The following KDM4C variants were observed in gnomAD, a reference collection of about 807,000 sequenced individuals.
KDM4C encodes lysine-specific demethylase 4C.
KDM4C carries 81 observed loss-of-function variants against 129.3 expected under a neutral mutation model. The observed-to-expected ratio is 0.63, with a 90% CI of 0.52 to 0.75. The LOEUF (loss-of-function observed/expected upper bound fraction) is 0.75. Ranked by LOEUF, KDM4C falls within the 30% of genes least tolerant of loss-of-function variation. KDM4C has a pLI of 0.00. For missense variants in KDM4C, 1,457 were observed against 1,304.0 expected (o/e 1.12, Z -1.81); for synonymous variants, 573 against 456.1 (o/e 1.26, Z -3.26).
chr9:6,798,762 C>T (rs1256610538), intron 2 of KDM4C, among the ~76,000 whole-genome samples: 2 of 152,240 alleles, frequency 1.3e-5, no homozygotes, highest in East Asian at 1.9e-4. Flanking sequence ...GGGTACACCT[C>T]CCAGACGGGG....
chr9:6,781,654 T>C (rs1193969785), intron 1 of KDM4C, among the ~76,000 whole-genome samples: 6 of 152,110 alleles, frequency 3.9e-5, no homozygotes, highest in African/African-American at 1.4e-4. Context: ...AAATAGACCA[T>C]AGAATGGACA....
intron 19 of KDM4C, among the ~76,000 whole-genome samples, chr9:7,159,254 C>T (rs537292949): frequency 1.3e-5 from 2 of 152,300 alleles, no homozygotes; most frequent in African/African-American, 4.8e-5. Flanking sequence ...CTTCCGAATA[C>T]AGCACACTGA....
At chr9:6,963,088 G>A (rs980734081) in intron 8 of KDM4C, among the ~76,000 whole-genome samples, 4 of 152,110 alleles carry the variant, frequency 2.6e-5, no homozygotes, top group African/African-American at 9.7e-5. Context: ...TCTGTGCATT[G>A]GTTTTCTCAT....
intron 15 of KDM4C, among the ~76,000 whole-genome samples, chr9:7,039,512 G>T (rs1039114044): frequency 2.6e-5 from 4 of 152,044 alleles, no homozygotes; most frequent in Admixed American, 1.3e-4. Flanking sequence ...CAACATGGAA[G>T]TCAGAGGTGC....
chr9:6,867,696 A>T (rs76041485), intron 5 of KDM4C, among the ~76,000 whole-genome samples: 2 of 152,128 alleles, frequency 1.3e-5, no homozygotes, highest in Admixed American at 6.5e-5. Flanking sequence ...CAATTTCTTC[A>T]TTACTTACTG....
chr9:7,074,718 A>T (rs1215088426), intron 17 of KDM4C, among the ~76,000 whole-genome samples: 1 of 152,136 alleles, frequency 6.6e-6, no homozygotes, highest in African/African-American at 2.4e-5. Context: ...CTTGCTATTA[A>T]CCCTAAAGGA....
chr9:7,116,113 G>T (rs1166643772), intron 18 of KDM4C, among the ~76,000 whole-genome samples: 1 of 152,110 alleles, frequency 6.6e-6, no homozygotes. Context: ...GCCATTCCTG[G>T]GCAGACCTGG....
At chr9:6,866,742 C>G (rs1028328696) in intron 5 of KDM4C, among the ~76,000 whole-genome samples, 1 of 151,968 alleles carries the variant, frequency 6.6e-6, no homozygotes, top group Non-Finnish European at 1.5e-5. Flanking sequence ...TTTCTGCACA[C>G]TTGACTTCAG....
In KDM4C at chr9:7,064,597, C is replaced by T. The variant is rs146044181; in HGVS notation, c.2424+15397C>T. Among the ~76,000 whole-genome samples the T allele has an allele frequency of 1.6e-3, 245 of 152,292 alleles. 1 individual carries two copies. Among genetic ancestry groups the T allele is most frequent in the African/African-American group, 5.7e-3 (235 of 41,560 alleles). ...TGGCATAAACAGCTGGGTGATTGGT[C>T]CTGCAACGTGCAAGGCTCCTCAATA... On this transcript the variant is annotated intron_variant, in intron 17 of 21. Transcript: ENST00000381309.
intron 18 of KDM4C, among the ~76,000 whole-genome samples, chr9:7,104,897 T>C (rs1837505382): frequency 6.6e-6 from 1 of 152,248 alleles, no homozygotes; most frequent in South Asian, 2.1e-4. Context: ...GCAATTTCCA[T>C]TGACATCTTG....
rs150007560 is a variant in KDM4C, at chr9:7,006,130, C to T, written c.1787-5568C>T. 5.8e-4 allele frequency among the ~76,000 whole-genome samples: 89 copies of T among 152,336 alleles called. 2 individuals carry two copies. In the East Asian group the frequency reaches 0.012, roughly 20 times the overall value. On this transcript the variant is annotated intron_variant, in intron 12 of 21. Transcript: ENST00000381309. Reference sequence around the variant, plus strand: ...GCTAACAACATCTCAGTGTGACCCTCACCTTGGGAAGTTTTATTAATCTGC... The same window carrying T: ...GCTAACAACATCTCAGTGTGACCCTTACCTTGGGAAGTTTTATTAATCTGC...
At chr9:6,827,202 C>A (rs1236696390) in intron 4 of KDM4C, among the ~76,000 whole-genome samples, 1 of 152,250 alleles carries the variant, frequency 6.6e-6, no homozygotes, top group Non-Finnish European at 1.5e-5. Flanking sequence ...TCTGCCATTC[C>A]TAGCTGTGAC....
In KDM4C at chr9:7,174,792, T is replaced by G; in HGVS notation, c.*63T>G. 11 of 1,402,610 alleles carry G rather than the reference T, an allele frequency of 7.8e-6. No individual in the cohort carries two copies. Among genetic ancestry groups the G allele is most frequent in the South Asian group, 1.2e-5 (1 of 81,114 alleles). The allele number at this position is 1,402,610 out of a possible 1,614,324, so 86.9% of individuals were successfully genotyped here. On this transcript the variant is annotated 3_prime_UTR_variant, in exon 22 of 22. Coordinates refer to ENST00000381309, the MANE Select transcript of KDM4C (RefSeq NM_015061.6). ...TTGGAAGAGAGAAGATGAAGGGACA[T>G]CCTTGGGGCTGTGCCGTGAGTTTTG...
chr9:7,156,854 A>G (rs1162842323), intron 19 of KDM4C, among the ~76,000 whole-genome samples: 4 of 152,216 alleles, frequency 2.6e-5, no homozygotes, highest in Admixed American at 6.5e-5. Context: ...TTGGTTCCAT[A>G]TGAACTTTAA....
chr9:6,954,848 T>A (rs1321180961), intron 8 of KDM4C, among the ~76,000 whole-genome samples: 1 of 152,218 alleles, frequency 6.6e-6, no homozygotes, highest in Non-Finnish European at 1.5e-5. Context: ...AGAAAATTCT[T>A]GTTTAGTTCC....
chr9:7,173,920 A>G (rs1845201675), intron 21 of KDM4C, among the ~76,000 whole-genome samples: 1 of 152,190 alleles, frequency 6.6e-6, no homozygotes, highest in South Asian at 2.1e-4. Flanking sequence ...AGGCCCAGGG[A>G]ACAGGAGTGG....
At chr9:7,090,849 A>G (rs183712590) in intron 17 of KDM4C, among the ~76,000 whole-genome samples, 2 of 152,356 alleles carry the variant, frequency 1.3e-5, no homozygotes, top group East Asian at 1.9e-4. Flanking sequence ...ATAGGCACAC[A>G]CCAGAATATC....
At chr9:7,029,963 T>G (rs753415177) in intron 15 of KDM4C, among the ~76,000 whole-genome samples, 1 of 152,154 alleles carries the variant, frequency 6.6e-6, no homozygotes, top group Non-Finnish European at 1.5e-5. Flanking sequence ...TCTAGGGAGC[T>G]TTTTTGTTAC....
chr9:7,105,594 T>A, intron 18 of KDM4C: 2 of 393,070 alleles, frequency 5.1e-6, no homozygotes, highest in South Asian at 3.8e-5. Flanking sequence ...GAGTGGCAGG[T>A]GCTGGAATGT....
Sources: gnomAD v4.1 joint callset for allele counts (sites outside exome capture counted in the v4.1 genomes callset) on GRCh38, gnomAD v4.1.1 for gene constraint, MANE v1.5 for transcripts, NCBI Gene and HGNC (gene_info 2026-07-23, HGNC 2026-07-21) for gene names.